The following ENPP4 variants were observed in gnomAD, a reference collection of about 807,000 sequenced individuals.
ENPP4 encodes ectonucleotide pyrophosphatase/phosphodiesterase 4.
Under a neutral mutation model 33.4 loss-of-function variants are expected in ENPP4, and 18 were observed. The ratio of observed to expected loss-of-function variants is 0.54; its 90% CI spans 0.37 to 0.80. The LOEUF is 0.80. ENPP4 is among the 30% of genes least tolerant of loss of function. The pLI, the probability that ENPP4 is intolerant of heterozygous loss-of-function variation, is 0.00. For synonymous variants in ENPP4, 172 were observed against 189.9 expected, an observed-to-expected ratio of 0.91 and a Z score of 0.78; for missense variants, 480 against 541.7, an observed-to-expected ratio of 0.89 and a Z score of 1.13.
In ENPP4 at chr6:46,130,813, A is replaced by C. The variant is rs564098789; in HGVS notation, c.-34+624A>C. ...TTTACAGATGACGAAAGTCAGGCTC[A>C]GAGAAGTGAAGGGACGCGTCCAACC... On this transcript the variant is annotated intron_variant, in intron 1 of 3. Transcript: ENST00000321037. 4.4e-4 allele frequency among the ~76,000 whole-genome samples: 67 copies of C among 152,346 alleles called. 1 individual carries two copies. Among genetic ancestry groups the C allele is most frequent in the Admixed American group, 3.8e-3 (58 of 15,302 alleles).
At chr6:46,141,383 A>G (rs1388653636) in intron 3 of ENPP4, among the ~76,000 whole-genome samples, 161 bp downstream of exon 3, 1 of 151,704 alleles carries the variant, frequency 6.6e-6, no homozygotes, top group Non-Finnish European at 1.5e-5. Flanking sequence ...ATAGCAATTT[A>G]CAGTAATCAC....
Position 46,132,779 on chromosome 6 carries a change from C to T in ENPP4, c.-34+2590C>T, listed in dbSNP as rs564960251. Among the ~76,000 whole-genome samples the T allele has an allele frequency of 3.1e-4, 47 of 152,172 alleles. No individual in the cohort carries two copies. In the South Asian group the frequency reaches 8.9e-3, roughly 29 times the overall value. On this transcript the variant is annotated intron_variant, in intron 1 of 3. Transcript: ENST00000321037. Reference sequence around the variant, plus strand: ...ATTTTCACGATATTGATTCTTCCTACCCATGAGCATGGAATGTTCTTCCAT... The same window carrying T: ...ATTTTCACGATATTGATTCTTCCTATCCATGAGCATGGAATGTTCTTCCAT...
chr6:46,131,151 A>G (rs1763889416), intron 1 of ENPP4, among the ~76,000 whole-genome samples: 1 of 151,814 alleles, frequency 6.6e-6, no homozygotes, highest in Non-Finnish European at 1.5e-5. Context: ...TCTTAGATTT[A>G]TTTATTTATT....
chr6:46,143,470 G>T lies in ENPP4; in HGVS notation c.1192G>T (p.Asp398Tyr). The T allele has an allele frequency of 6.2e-7, 1 of 1,612,754 alleles. No homozygotes were observed. Among genetic ancestry groups the T allele is most frequent in the South Asian group, 1.1e-5 (1 of 91,042 alleles). Residue 398 changes from aspartate to tyrosine, a missense_variant, in exon 4 of 4, where the codon GAC becomes TAC. Asp to Tyr is a radical substitution (Grantham distance 160). This residue lies in a region of ENPP4 where 249 missense variants were observed against 251.8 expected (regional missense o/e 0.99). Coordinates refer to ENST00000321037, the MANE Select transcript of ENPP4 (RefSeq NM_014936.5). Reference protein sequence around the residue: ...TFGHTKCLLVDQWCINLPEAI... With the variant: ...TFGHTKCLLVYQWCINLPEAI... Reference sequence around the variant, plus strand: ...TGGTCATACTAAGTGCTTGTTAGTTGACCAGTGGTGCATTAATCTCCCAGA... The same window carrying T: ...TGGTCATACTAAGTGCTTGTTAGTTTACCAGTGGTGCATTAATCTCCCAGA...
chr6:46,143,206 T>C lies in ENPP4; in HGVS notation c.998-70T>C. ...TTTCTGAAAGAATTGAATGTTTATA[T>C]ACTAGAAGCAAGTTATTTTGTCCTA... On this transcript the variant is annotated intron_variant, in intron 3 of 3. Coordinates refer to ENST00000321037, the MANE Select transcript of ENPP4 (RefSeq NM_014936.5). 6 of 1,420,258 alleles carry C rather than the reference T, an allele frequency of 4.2e-6. No individual in the cohort carries two copies. The South Asian group carries it at 8.3e-5, about 20-fold the overall frequency. The allele number at this position is 1,420,258 out of a possible 1,614,324, so 88.0% of individuals were successfully genotyped here. A position where few individuals can be genotyped will look rare whatever the true frequency, so the allele number is the denominator to read the frequency against.
chr6:46,136,120 T>G (rs1175454273), intron 1 of ENPP4, among the ~76,000 whole-genome samples: 1 of 152,046 alleles, frequency 6.6e-6, no homozygotes, highest in Non-Finnish European at 1.5e-5. Flanking sequence ...GTGCCACCTA[T>G]TTGCTGATTT....
At chr6:46,142,360 AATAT>A (rs200060407) in intron 3 of ENPP4, among the ~76,000 whole-genome samples, 13,350 of 145,164 alleles carry the variant, frequency 0.092, 676 homozygotes, top group East Asian at 0.16. Flanking sequence ...TAATATATAT[AATAT>A]ATATAATGTA....
intron 3 of ENPP4, among the ~76,000 whole-genome samples, chr6:46,142,729 G>C (rs1764085229): frequency 1.3e-5 from 2 of 151,548 alleles, no homozygotes; most frequent in African/African-American, 4.8e-5. Context: ...TTTATTATTG[G>C]AGTTGTATTA....
intron 1 of ENPP4, among the ~76,000 whole-genome samples, chr6:46,130,444 G>A (rs776206089): frequency 9.2e-5 from 14 of 152,318 alleles, no homozygotes; most frequent in South Asian, 4.1e-4. Flanking sequence ...GGCAACCTGT[G>A]GTGTTAAGTG....
At position 46,139,906 on chromosome 6, in the gene ENPP4, A is replaced by G; in HGVS notation, c.323A>G (p.Lys108Arg). ...AAACACTTTTCTGACTCTAATGACA[A>G]GGATCCTTTTTGGTGGAATGAGGCA... ...TKKHFSDSND[K>R]DPFWWNEAVP... Residue 108 changes from lysine to arginine, a missense_variant, in exon 2 of 4, where the codon AAG becomes AGG. Physicochemically the swap from Lys to Arg is conservative, Grantham distance 26. This residue lies in a region of ENPP4 where 227 missense variants were observed against 273.7 expected (regional missense o/e 0.83). Coordinates refer to ENST00000321037, the MANE Select transcript of ENPP4 (RefSeq NM_014936.5). The G allele has an allele frequency of 6.2e-7, 1 of 1,612,784 alleles. No individual in the cohort carries two copies.
Position 46,143,828 on chromosome 6 carries a change from C to T in ENPP4, c.*188C>T. 1.9e-6 allele frequency: 1 copy of T among 535,354 alleles called. No homozygotes were observed. Among genetic ancestry groups the T allele is most frequent in the Non-Finnish European group, 3.2e-6 (1 of 311,564 alleles). 33.2% of individuals were successfully genotyped at this position (535,354 alleles called of 1,614,324 possible). A position where few individuals can be genotyped will look rare whatever the true frequency, so the allele number is the denominator to read the frequency against. On this transcript the variant is annotated 3_prime_UTR_variant, in exon 4 of 4. Coordinates refer to ENST00000321037, the MANE Select transcript of ENPP4 (RefSeq NM_014936.5). Reference sequence around the variant, plus strand: ...GCATTTGCTAATAAGATAACGCTGACCATAGTAAAATTGTTAGTAAATCAT... The same window carrying T: ...GCATTTGCTAATAAGATAACGCTGATCATAGTAAAATTGTTAGTAAATCAT...
At chr6:46,139,518 T>G (rs1171939450) in intron 1 of ENPP4, 33 bp from the exon 2 acceptor site, 1 of 848,440 alleles carries the variant, frequency 1.2e-6, no homozygotes, top group Non-Finnish European at 1.9e-6. Context: ...TGAAATAGAA[T>G]TACTACTTAT....
chr6:46,146,207 A>G lies in ENPP4; in HGVS notation c.*2567A>G, dbSNP rs1213591671. ...GTTCTGCTGCTGTTATTTATATGCA[A>G]TTCTTCTGGTAAATAGCAATAGAAT... On this transcript the variant is annotated 3_prime_UTR_variant, in exon 4 of 4. Coordinates refer to ENST00000321037, the MANE Select transcript of ENPP4 (RefSeq NM_014936.5). The G allele has an allele frequency of 6.6e-6, 1 of 152,314 alleles. No individual in the cohort carries two copies. The allele number at this position is 152,314 out of a possible 1,614,324, so 9.4% of individuals were successfully genotyped here.
intron 2 of ENPP4, among the ~76,000 whole-genome samples, 197 bp from the exon 3 acceptor site, chr6:46,140,855 A>G (rs1025733384): frequency 3.3e-5 from 5 of 151,622 alleles, no homozygotes; most frequent in Non-Finnish European, 5.9e-5. Context: ...AGTGAAACAG[A>G]TTTGTTAATG....
At chr6:46,131,104 ATATAATTTGGAAGACAT>A (rs1318197212) in intron 1 of ENPP4, among the ~76,000 whole-genome samples, 1 of 138,000 alleles carries the variant, frequency 7.2e-6, no homozygotes, top group Admixed American at 7.5e-5. Flanking sequence ...TAGTTACAGG[ATATAATTTGGAAGACAT>A]TTTTTTTTAT....
At position 46,144,775 on chromosome 6, in the gene ENPP4, A is replaced by G; in HGVS notation, c.*1135A>G. ...TTTTAGGCTATAGAATAGTTAAGAA[A>G]TTTTAAACAAAATTTAGTATCTTTT... On this transcript the variant is annotated 3_prime_UTR_variant, in exon 4 of 4. Coordinates refer to ENST00000321037, the MANE Select transcript of ENPP4 (RefSeq NM_014936.5). The G allele has an allele frequency of 2.6e-6, 1 of 386,260 alleles. No homozygotes were observed. 23.9% of individuals were successfully genotyped at this position (386,260 alleles called of 1,614,324 possible).
chr6:46,130,610 T>A (rs1763880443), intron 1 of ENPP4, among the ~76,000 whole-genome samples: 2 of 152,164 alleles, frequency 1.3e-5, no homozygotes, highest in African/African-American at 4.8e-5. Flanking sequence ...AGATTAGAGT[T>A]TATGTTAATT....
In ENPP4 at chr6:46,141,035, TTC is replaced by T. The variant is rs199704120; in HGVS notation, c.827-15_827-14del. On this transcript the variant is annotated splice_polypyrimidine_tract_variant and intron_variant, in intron 2 of 3. Transcript: ENST00000321037. ...AATCATAACTTGTTTCCTTTGCTGT[TTC>T]TTTTTTTTTCTCAGATAGAACAGAG... 7.0e-4 allele frequency: 1,069 copies of T among 1,533,104 alleles called. 8 individuals are homozygous for T. In the African/African-American group the frequency reaches 0.014, roughly 20 times the overall value. The allele number at this position is 1,533,104 out of a possible 1,614,324, so 95.0% of individuals were successfully genotyped here. A position where few individuals can be genotyped will look rare whatever the true frequency, so the allele number is the denominator to read the frequency against.
Position 46,141,037 on chromosome 6 carries a change from C to CTTT in ENPP4, c.827-8_827-6dup. 6.6e-7 allele frequency: 1 copy of CTTT among 1,504,222 alleles called. No homozygotes were observed. 93.2% of individuals were successfully genotyped at this position (1,504,222 alleles called of 1,614,324 possible). ...TCATAACTTGTTTCCTTTGCTGTTT[C>CTTT]TTTTTTTTTCTCAGATAGAACAGAG... is the stretch of plus-strand genomic sequence containing the variant. On this transcript the variant is annotated splice_polypyrimidine_tract_variant and intron_variant, in intron 2 of 3. Transcript: ENST00000321037.
Sources: allele counts gnomAD v4.1 joint callset (sites outside exome capture counted in the v4.1 genomes callset), GRCh38; gene constraint gnomAD v4.1.1; regional missense constraint gnomAD v4.1.1; transcripts MANE v1.5; gene names NCBI Gene and HGNC (gene_info 2026-07-23, HGNC 2026-07-21).